MAGI1: variants seen among roughly 807,000 people sequenced by gnomAD.
MAGI1 encodes membrane associated guanylate kinase, WW and PDZ domain containing 1.
A neutral mutation model predicts 139.9 loss-of-function variants in MAGI1; 58 were observed. The ratio of observed to expected loss-of-function variants is 0.41; its 90% CI spans 0.34 to 0.52. The LOEUF is 0.52. Among genes scored for constraint, MAGI1 ranks in the 20% least tolerant of loss-of-function variants. The probability of loss-of-function intolerance (pLI) is 0.12; values close to 1 mark genes in which losing one functional copy is unlikely to be tolerated. For synonymous variants in MAGI1, 812 were observed against 737.9 expected, an observed-to-expected ratio of 1.10 and a Z score of -1.63; for missense variants, 1,874 against 1,901.6, an observed-to-expected ratio of 0.99 and a Z score of 0.27.
At chr3:65,361,105 G>C (rs1287570847) in intron 22 of MAGI1, 94 bp downstream of exon 22, 19 of 1,611,062 alleles carry the variant, frequency 1.2e-5, no homozygotes, top group Non-Finnish European at 1.5e-5. Context: ...CTGGTGAATA[G>C]GGGAAACAAA....
At chr3:65,438,195 T>TA (rs1310040347) in intron 9 of MAGI1, among the ~76,000 whole-genome samples, 2 of 152,072 alleles carry the variant, frequency 1.3e-5, no homozygotes, top group Admixed American at 6.5e-5. Context: ...TGTTCAGCCA[T>TA]AAAAAAGAGA....
Position 65,360,041 on chromosome 3 carries a change from T to C in MAGI1, c.3634+1158A>G, listed in dbSNP as rs183570483. 63 of 985,376 alleles carry C rather than the reference T, an allele frequency of 6.4e-5. No homozygotes were observed. The East Asian group carries it at 6.3e-3, about 98-fold the overall frequency. The allele number at this position is 985,376 out of a possible 1,614,324, so 61.0% of individuals were successfully genotyped here. On this transcript the variant is annotated intron_variant, in intron 22 of 22. Transcript: ENST00000402939. ...TGGCCATGTCTATAGGGGCCTTGTC[T>C]AATACCCACCCTCCCCCTGTACCTC...
chr3:65,678,815 C>T (rs927064017), intron 1 of MAGI1, among the ~76,000 whole-genome samples: 1 of 152,232 alleles, frequency 6.6e-6, no homozygotes, highest in Non-Finnish European at 1.5e-5. Context: ...TGGAACTCAA[C>T]AGGCTCCTGA....
chr3:65,448,849 T>G (rs896469352), intron 6 of MAGI1, among the ~76,000 whole-genome samples: 6 of 152,032 alleles, frequency 3.9e-5, no homozygotes, highest in African/African-American at 1.4e-4. Flanking sequence ...AGTACAACAT[T>G]TTCTTATTGT....
At chr3:65,496,441 G>T (rs1187555146) in intron 2 of MAGI1, among the ~76,000 whole-genome samples, 1 of 152,134 alleles carries the variant, frequency 6.6e-6, no homozygotes, top group African/African-American at 2.4e-5. Flanking sequence ...CCAGTTGGGT[G>T]GTTACCATAG....
intron 18 of MAGI1, among the ~76,000 whole-genome samples, chr3:65,372,345 A>G (rs189234203): frequency 2.0e-5 from 3 of 152,280 alleles, no homozygotes; most frequent in Admixed American, 2.0e-4. Context: ...TTTTCCCCTA[A>G]GCAGTAGGTC....
chr3:65,490,492 C>G lies in MAGI1; in HGVS notation c.550+3020G>C, dbSNP rs117045096. ...GGGTATATGGCATTTAATAAACATT[C>G]CATTTGGCTCTCAGCTTTTAAGAGT... On this transcript the variant is annotated intron_variant, in intron 3 of 22. Coordinates refer to ENST00000402939, the MANE Select transcript of MAGI1 (RefSeq NM_001033057.2). Among the ~76,000 whole-genome samples the G allele has an allele frequency of 9.1e-4, 138 of 152,256 alleles. 2 individuals are homozygous for G. In the East Asian group the frequency reaches 0.026, roughly 28 times the overall value.
chr3:65,662,432 T>C (rs532193047), intron 1 of MAGI1, among the ~76,000 whole-genome samples: 2 of 152,376 alleles, frequency 1.3e-5, no homozygotes, highest in East Asian at 3.9e-4. Context: ...TTTGTGTGAA[T>C]GCAGCTATGG....
At chr3:65,367,504 C>T (rs1941544752) in intron 18 of MAGI1, among the ~76,000 whole-genome samples, 1 of 152,042 alleles carries the variant, frequency 6.6e-6, no homozygotes, top group Non-Finnish European at 1.5e-5. Flanking sequence ...CTGAATTTTC[C>T]TCATTTGTTG....
chr3:65,748,301 C>T lies in MAGI1; in HGVS notation c.314-126213G>A, dbSNP rs1016299950. 1.8e-4 allele frequency among the ~76,000 whole-genome samples: 27 copies of T among 152,154 alleles called. 1 individual carries two copies. The highest frequency in any genetic ancestry group is 7.2e-5 in the African/African-American group (3 of 41,430). ...ACAGTGACATTAAGCAGGCCCCATG[C>T]CCACTTTCTTGTGTGTCAAGTAGAA... On this transcript the variant is annotated intron_variant, in intron 1 of 22. Transcript: ENST00000402939.
intron 1 of MAGI1, among the ~76,000 whole-genome samples, chr3:65,993,310 T>A (rs953434481): frequency 2.0e-5 from 3 of 152,192 alleles, no homozygotes; most frequent in African/African-American, 7.2e-5. Flanking sequence ...AGGCTTAAAA[T>A]GACACCTCTG....
chr3:65,594,179 G>A (rs2106772365), intron 2 of MAGI1, among the ~76,000 whole-genome samples: 1 of 152,234 alleles, frequency 6.6e-6, no homozygotes, highest in South Asian at 2.1e-4. Context: ...AACCAAACCA[G>A]ATATCTAGAT....
At chr3:65,582,519 A>C (rs1436897393) in intron 2 of MAGI1, among the ~76,000 whole-genome samples, 1 of 152,194 alleles carries the variant, frequency 6.6e-6, no homozygotes, top group Non-Finnish European at 1.5e-5. Flanking sequence ...GCTCTTTGGA[A>C]TTCCTATTAG....
intron 1 of MAGI1, among the ~76,000 whole-genome samples, chr3:65,694,623 C>A (rs909519252): frequency 1.3e-5 from 2 of 152,186 alleles, no homozygotes; most frequent in Non-Finnish European, 2.9e-5. Flanking sequence ...TCTGGCTAAG[C>A]CTTCGGCTCA....
chr3:65,911,934 T>C (rs1395253757), intron 1 of MAGI1, among the ~76,000 whole-genome samples: 3 of 152,202 alleles, frequency 2.0e-5, no homozygotes, highest in Non-Finnish European at 2.9e-5. Flanking sequence ...GGATAACCAG[T>C]CCAAGGCAAA....
intron 1 of MAGI1, among the ~76,000 whole-genome samples, chr3:65,987,584 C>A (rs1340237904): frequency 6.6e-6 from 1 of 152,102 alleles, no homozygotes; most frequent in East Asian, 1.9e-4. Context: ...TTCCTTCCTG[C>A]CTGCCTGCTT....
At chr3:66,023,054 G>A (rs923214450) in intron 1 of MAGI1, among the ~76,000 whole-genome samples, 1 of 152,170 alleles carries the variant, frequency 6.6e-6, no homozygotes, top group Non-Finnish European at 1.5e-5. Flanking sequence ...CAAGCTAGGG[G>A]ACTTCTGGGT....
chr3:65,526,268 T>A (rs1021521547), intron 2 of MAGI1, among the ~76,000 whole-genome samples: 3 of 152,194 alleles, frequency 2.0e-5, no homozygotes, highest in African/African-American at 7.2e-5. Flanking sequence ...CCAAAATGAC[T>A]GCTCAAATTA....
At chr3:65,552,256 A>AC (rs2079869965) in intron 2 of MAGI1, among the ~76,000 whole-genome samples, 1 of 113,214 alleles carries the variant, frequency 8.8e-6, no homozygotes, top group Non-Finnish European at 1.8e-5. Flanking sequence ...GAGTGTGTAT[A>AC]GGGGTGTGTG....
Sources: gnomAD v4.1 joint callset for allele counts (sites outside exome capture counted in the v4.1 genomes callset) on GRCh38, gnomAD v4.1.1 for gene constraint, MANE v1.5 for transcripts, NCBI Gene and HGNC (gene_info 2026-07-23, HGNC 2026-07-21) for gene names.